The following DOCK3 variants were observed in gnomAD, a reference collection of about 807,000 sequenced individuals.
DOCK3 encodes the protein dedicator of cytokinesis 3.
In DOCK3, 60 loss-of-function variants were observed where a neutral mutation model predicts 265.6. That is an observed-to-expected ratio of 0.23 (90% CI 0.18 to 0.28). The LOEUF (loss-of-function observed/expected upper bound fraction) is 0.28. Ranked by LOEUF, DOCK3 falls within the 10% of genes least tolerant of loss-of-function variation. The pLI is 1.00. For missense variants in DOCK3, 1,981 were observed against 2,594.3 expected (o/e 0.76, Z 5.14); for synonymous variants, 881 against 938.0 (o/e 0.94, Z 1.11).
intron 51 of DOCK3, among the ~76,000 whole-genome samples, chr3:51,379,178 C>A (rs2088391763): frequency 6.6e-6 from 1 of 152,224 alleles, no homozygotes; most frequent in South Asian, 2.1e-4. Context: ...CAGGCGTTCA[C>A]TCCTTGCTGC....
chr3:51,360,746 C>T, intron 47 of DOCK3, 114 bp downstream of exon 47: 1 of 1,415,150 alleles, frequency 7.1e-7, no homozygotes, highest in East Asian at 2.5e-5. Context: ...ATGCACACAG[C>T]AAACACTTAT....
intron 3 of DOCK3, among the ~76,000 whole-genome samples, chr3:50,859,517 G>A (rs775025413): frequency 1.5e-4 from 23 of 151,818 alleles, no homozygotes; most frequent in Admixed American, 1.4e-3. Flanking sequence ...CGCCCGGCCC[G>A]GTGTGGTTTT....
intron 5 of DOCK3, among the ~76,000 whole-genome samples, chr3:51,024,836 T>C (rs896319200): frequency 1.3e-5 from 2 of 152,170 alleles, no homozygotes; most frequent in African/African-American, 4.8e-5. Context: ...CTGCCTTTCT[T>C]GAATGCTGGT....
At chr3:50,940,978 G>A (rs1161600622) in intron 5 of DOCK3, among the ~76,000 whole-genome samples, 5 of 151,992 alleles carry the variant, frequency 3.3e-5, no homozygotes, top group Admixed American at 2.0e-4. Flanking sequence ...TAAAACTTTC[G>A]GAAGAAAATT....
chr3:51,112,151 C>T (rs1224571561), intron 9 of DOCK3, among the ~76,000 whole-genome samples: 1 of 152,148 alleles, frequency 6.6e-6, no homozygotes, highest in Non-Finnish European at 1.5e-5. Flanking sequence ...AGTAGTGTGG[C>T]AGTTCCTCAA....
At chr3:51,279,958 A>G in intron 26 of DOCK3, 148 bp from the exon 27 acceptor site, 1 of 638,324 alleles carries the variant, frequency 1.6e-6, no homozygotes, top group Non-Finnish European at 2.7e-6. Context: ...AGCAGAAAAT[A>G]AAGCTTTAGA....
chr3:50,915,976 G>A (rs1248922644), intron 4 of DOCK3, among the ~76,000 whole-genome samples: 1 of 151,952 alleles, frequency 6.6e-6, no homozygotes, highest in Non-Finnish European at 1.5e-5. Flanking sequence ...GGATGGTTCT[G>A]TGATGCCTCA....
At chr3:51,356,023 T>C in intron 41 of DOCK3, 66 bp from the exon 42 acceptor site, 1 of 1,599,262 alleles carries the variant, frequency 6.3e-7, no homozygotes, top group South Asian at 1.1e-5. Context: ...TTTGAGGAGA[T>C]GACAGGGGTC....
At chr3:50,721,023 T>C (rs4688703) in intron 1 of DOCK3, among the ~76,000 whole-genome samples, 137,546 of 151,918 alleles carry the variant, frequency 0.91, 62,424 homozygotes, top group African/African-American at 0.95. Flanking sequence ...TGTTCATGTT[T>C]TTTGCCTTTT....
intron 3 of DOCK3, among the ~76,000 whole-genome samples, chr3:50,882,002 A>G (rs1444900748): frequency 6.6e-6 from 1 of 152,210 alleles, no homozygotes; most frequent in African/African-American, 2.4e-5. Flanking sequence ...CCTGACAAAG[A>G]CAAGCAATGG....
At chr3:51,189,413 T>C (rs913972800) in intron 12 of DOCK3, among the ~76,000 whole-genome samples, 3 of 152,092 alleles carry the variant, frequency 2.0e-5, no homozygotes, top group African/African-American at 7.2e-5. Flanking sequence ...CTCATCTCTC[T>C]CCCACCCTCC....
intron 5 of DOCK3, among the ~76,000 whole-genome samples, chr3:50,936,449 A>G (rs1384644520): frequency 2.0e-5 from 3 of 151,974 alleles, no homozygotes; most frequent in Non-Finnish European, 2.9e-5. Flanking sequence ...AGTGTTTTAC[A>G]TTCGGGAAGC....
At chr3:51,310,471 C>T (rs2083005990) in intron 28 of DOCK3, 145 bp downstream of exon 28, 4 of 716,218 alleles carry the variant, frequency 5.6e-6, no homozygotes, top group Non-Finnish European at 9.2e-6. Context: ...ATGAGAAAAA[C>T]ATTTTTGTGC....
chr3:50,903,120 A>T (rs2049289438), intron 4 of DOCK3, among the ~76,000 whole-genome samples: 1 of 152,160 alleles, frequency 6.6e-6, no homozygotes, highest in African/African-American at 2.4e-5. Flanking sequence ...TCTGCAAACA[A>T]AGTTAATTTG....
At position 51,303,967 on chromosome 3, in the gene DOCK3, A is replaced by G. The variant is rs555586901; in HGVS notation, c.2923-6265A>G. 9.2e-5 allele frequency among the ~76,000 whole-genome samples: 14 copies of G among 152,262 alleles called. No individual in the cohort carries two copies. In the South Asian group the frequency reaches 1.7e-3, roughly 18 times the overall value. On this transcript the variant is annotated intron_variant, in intron 27 of 52. Transcript: ENST00000266037. ...AGAGGGGGTGTGCTGTGCTGGGGGG[A>G]ATCCCACTTGTCTGGGCTGCCTGGA...
chr3:50,987,966 A>G (rs1486093786), intron 5 of DOCK3, among the ~76,000 whole-genome samples: 1 of 152,176 alleles, frequency 6.6e-6, no homozygotes, highest in Non-Finnish European at 1.5e-5. Context: ...CTTTCGGGCA[A>G]AAGTAGCTGA....
intron 3 of DOCK3, among the ~76,000 whole-genome samples, chr3:50,887,456 C>T (rs1298751849): frequency 2.5e-5 from 3 of 118,644 alleles, no homozygotes; most frequent in African/African-American, 6.6e-5. Flanking sequence ...TGGTACCATT[C>T]CTTCTACAAA....
At chr3:51,237,829 C>T (rs2078416650) in intron 21 of DOCK3, among the ~76,000 whole-genome samples, 1 of 152,078 alleles carries the variant, frequency 6.6e-6, no homozygotes, top group African/African-American at 2.4e-5. Context: ...GAACTCTGTC[C>T]ATCTCCAAAA....
intron 5 of DOCK3, among the ~76,000 whole-genome samples, chr3:50,962,957 C>T (rs1045668943): frequency 1.2e-4 from 19 of 152,128 alleles, no homozygotes; most frequent in Non-Finnish European, 2.9e-5. Context: ...GAGGCCGAGG[C>T]GGGTAGATCA....
Sources: gnomAD v4.1 joint callset for allele counts (sites outside exome capture counted in the v4.1 genomes callset) on GRCh38, gnomAD v4.1.1 for gene constraint, MANE v1.5 for transcripts, NCBI Gene and HGNC (gene_info 2026-07-23, HGNC 2026-07-21) for gene names.